The following PAM variants were observed in gnomAD, a reference collection of about 807,000 sequenced individuals.
The protein encoded by PAM is peptidyl-glycine alpha-amidating monooxygenase.
Under a neutral mutation model 122.1 loss-of-function variants are expected in PAM, and 72 were observed. That is an observed-to-expected ratio of 0.59 (90% CI 0.49 to 0.72). The LOEUF is 0.72. Among genes scored for constraint, PAM ranks in the 30% least tolerant of loss-of-function variants. The pLI, the probability that PAM is intolerant of heterozygous loss-of-function variation, is 0.00. For missense variants in PAM, 1,106 were observed against 1,183.7 expected, an observed-to-expected ratio of 0.93 and a Z score of 0.96; for synonymous variants, 389 against 404.4, an observed-to-expected ratio of 0.96 and a Z score of 0.46.
intron 1 of PAM, among the ~76,000 whole-genome samples, chr5:102,782,741 G>C (rs987657973): frequency 3.3e-5 from 5 of 151,276 alleles, no homozygotes; most frequent in Non-Finnish European, 5.9e-5. Context: ...GTGTGTGTGT[G>C]TGTGTGTGTG....
chr5:102,985,564 C>T (rs887042024), intron 15 of PAM, among the ~76,000 whole-genome samples: 4 of 151,712 alleles, frequency 2.6e-5, no homozygotes, highest in East Asian at 1.9e-4. Flanking sequence ...ATAGAAAACC[C>T]GAACACACCA....
At chr5:102,943,749 C>T (rs1756063591) in intron 7 of PAM, among the ~76,000 whole-genome samples, 1 of 152,086 alleles carries the variant, frequency 6.6e-6, no homozygotes, top group South Asian at 2.1e-4. Flanking sequence ...GTCTGGTTTC[C>T]CTTTCGGTTC....
chr5:102,756,752 A>C (rs1324496314), intron 1 of PAM, among the ~76,000 whole-genome samples: 1 of 151,760 alleles, frequency 6.6e-6, no homozygotes. Context: ...TGACAGAGCA[A>C]GACCCTGTCT....
At chr5:102,756,807 C>T (rs1750511616) in intron 1 of PAM, among the ~76,000 whole-genome samples, 1 of 151,954 alleles carries the variant, frequency 6.6e-6, no homozygotes, top group African/African-American at 2.4e-5. Context: ...AATGGTAAGC[C>T]CTGTCGTTCC....
chr5:102,982,214 C>G (rs1770135494), intron 15 of PAM, among the ~76,000 whole-genome samples: 1 of 152,182 alleles, frequency 6.6e-6, no homozygotes, highest in Non-Finnish European at 1.5e-5. Flanking sequence ...ACCACTGCTG[C>G]CAGCACCCAC....
intron 1 of PAM, among the ~76,000 whole-genome samples, chr5:102,786,819 A>G (rs138931762): frequency 5.3e-5 from 8 of 152,204 alleles, no homozygotes; most frequent in Admixed American, 2.0e-4. Context: ...GTAACTTACT[A>G]CTCTTTTGAT....
At chr5:102,790,891 C>G (rs1402713885) in intron 1 of PAM, among the ~76,000 whole-genome samples, 6 of 152,124 alleles carry the variant, frequency 3.9e-5, no homozygotes, top group Middle Eastern at 6.8e-3. Context: ...TTTTACTACC[C>G]AGAGATAAGC....
intron 1 of PAM, among the ~76,000 whole-genome samples, chr5:102,793,215 T>G (rs919520326): frequency 6.6e-6 from 1 of 152,166 alleles, no homozygotes; most frequent in African/African-American, 2.4e-5. Flanking sequence ...GCTTTTCCAT[T>G]TCTAATGTTT....
chr5:103,025,120 T>C lies in PAM; in HGVS notation c.2486-11T>C. 6.2e-7 allele frequency: 1 copy of C among 1,603,144 alleles called. No homozygotes were observed. Among genetic ancestry groups the C allele is most frequent in the African/African-American group, 1.3e-5 (1 of 74,762 alleles). On this transcript the variant is annotated splice_polypyrimidine_tract_variant and intron_variant, in intron 23 of 25. Transcript: ENST00000438793. ...GTCAGTTGAATATTGTGAACTCTTC[T>C]TTCCCTGAAGAAGCCGAGGCAGTTG...
intron 1 of PAM, among the ~76,000 whole-genome samples, chr5:102,780,830 T>A (rs909324787): frequency 6.9e-6 from 1 of 145,072 alleles, no homozygotes. Context: ...TTTCTTTCTT[T>A]CTTTCTCTGT....
intron 1 of PAM, among the ~76,000 whole-genome samples, chr5:102,793,257 A>C (rs748857635): frequency 6.6e-5 from 10 of 152,278 alleles, no homozygotes; most frequent in African/African-American, 2.2e-4. Context: ...GGCTGGGTGC[A>C]GTGGCTCATG....
chr5:102,989,718 C>T (rs1452864341), intron 15 of PAM: 4 of 151,792 alleles, frequency 2.6e-5, no homozygotes, highest in Non-Finnish European at 5.9e-5. Context: ...TTCTGTGTAA[C>T]AAGGAATAAT....
At chr5:102,940,149 CAT>C (rs1554129170) in intron 7 of PAM, among the ~76,000 whole-genome samples, 100 of 146,890 alleles carry the variant, frequency 6.8e-4, no homozygotes, top group African/African-American at 9.4e-4. Flanking sequence ...CACACACACA[CAT>C]ACACACACAC....
chr5:102,901,823 G>A (rs1421348875), intron 4 of PAM, among the ~76,000 whole-genome samples: 1 of 151,460 alleles, frequency 6.6e-6, no homozygotes, highest in Non-Finnish European at 1.5e-5. Flanking sequence ...TGTCAGACAG[G>A]TAGATGGATA....
intron 4 of PAM, among the ~76,000 whole-genome samples, chr5:102,902,576 T>G (rs1798288875): frequency 6.6e-6 from 1 of 151,620 alleles, no homozygotes; most frequent in African/African-American, 2.4e-5. Context: ...TTTCTAATTG[T>G]AGTGCTTTGA....
At chr5:102,936,867 A>AT (rs1312286163) in intron 7 of PAM, among the ~76,000 whole-genome samples, 1 of 152,054 alleles carries the variant, frequency 6.6e-6, no homozygotes, top group Non-Finnish European at 1.5e-5. Flanking sequence ...TGGCGCTCAA[A>AT]TTTTCCTAGC....
rs1554150769 is a variant in PAM, at chr5:102,979,064, A to ACACACACACG, written c.1483+4636_1483+4637insCGCACACACA. 3.1e-3 allele frequency among the ~76,000 whole-genome samples: 471 copies of ACACACACACG among 151,416 alleles called. 2 individuals carry two copies. Among genetic ancestry groups the ACACACACACG allele is most frequent in the African/African-American group, 0.011 (456 of 41,160 alleles). On this transcript the variant is annotated intron_variant, in intron 15 of 25. Coordinates refer to ENST00000438793, the MANE Select transcript of PAM (RefSeq NM_001177306.2). ...CACACACACACACACACACACACGC[A>ACACACACACG]CACACACATACACACAAACACCCTA... is the stretch of plus-strand genomic sequence containing the variant.
intron 17 of PAM, among the ~76,000 whole-genome samples, chr5:103,004,928 A>G (rs911555332): frequency 7.2e-5 from 11 of 152,198 alleles, no homozygotes; most frequent in African/African-American, 2.7e-4. Context: ...ATGTAGGCTT[A>G]ATTTATAAAT....
chr5:102,881,623 A>G (rs1001233040), intron 3 of PAM, among the ~76,000 whole-genome samples: 1 of 151,982 alleles, frequency 6.6e-6, no homozygotes, highest in Non-Finnish European at 1.5e-5. Context: ...TGCCCTAGAA[A>G]TATTGCCATT....
Sources: gnomAD v4.1 joint callset for allele counts (sites outside exome capture counted in the v4.1 genomes callset) on GRCh38, gnomAD v4.1.1 for gene constraint, MANE v1.5 for transcripts, NCBI Gene and HGNC (gene_info 2026-07-23, HGNC 2026-07-21) for gene names.